Variants in GPHN observed in about 807,000 individuals in gnomAD.
GPHN encodes the protein gephyrin.
GPHN carries 17 observed loss-of-function variants against 95.5 expected under a neutral mutation model. That is an observed-to-expected ratio of 0.18 (90% confidence interval 0.12 to 0.27). The LOEUF (loss-of-function observed/expected upper bound fraction) is 0.27. GPHN is among the 10% of genes least tolerant of loss of function. GPHN has a pLI of 1.00. For synonymous variants in GPHN, 320 were observed against 322.5 expected (o/e 0.99, Z 0.08); for missense variants, 660 against 978.1 (o/e 0.67, Z 4.34).
intron 4 of GPHN, among the ~76,000 whole-genome samples, chr14:66,840,221 A>G (rs1392641059): frequency 1.3e-5 from 2 of 152,062 alleles, no homozygotes; most frequent in Admixed American, 6.6e-5. Context: ...GGAGGTTGCA[A>G]TGAGCCAAGA....
intron 1 of GPHN, among the ~76,000 whole-genome samples, chr14:66,623,722 G>A (rs1015392281): frequency 6.6e-6 from 1 of 151,402 alleles, no homozygotes; most frequent in African/African-American, 2.4e-5. Flanking sequence ...CCTGACATCA[G>A]CTGCCTCAAG....
At chr14:67,363,556 A>G in the GPHN span, among the ~76,000 whole-genome samples, 1 of 152,330 alleles carries the variant, frequency 6.6e-6, no homozygotes, top group East Asian at 1.9e-4. Context: ...TCCAGACTTC[A>G]TGGATTCAAA....
chr14:66,641,724 A>G (rs1357477164), intron 1 of GPHN, among the ~76,000 whole-genome samples: 1 of 152,088 alleles, frequency 6.6e-6, no homozygotes, highest in Non-Finnish European at 1.5e-5. Context: ...ATTTACAACT[A>G]TATAACATTT....
intron 3 of GPHN, among the ~76,000 whole-genome samples, chr14:66,798,853 A>T (rs189599364): frequency 3.3e-5 from 5 of 149,408 alleles, no homozygotes; most frequent in Non-Finnish European, 3.0e-5. Context: ...TTCTGCTACT[A>T]CTCTTGGGTT....
chr14:66,945,278 G>A (rs1307119092), intron 8 of GPHN, among the ~76,000 whole-genome samples: 4 of 152,182 alleles, frequency 2.6e-5, no homozygotes, highest in African/African-American at 4.8e-5. Context: ...CCACACATGC[G>A]AGCTGAAGAG....
At chr14:67,163,515 A>G (rs561993314) in intron 19 of GPHN, among the ~76,000 whole-genome samples, 231 of 152,258 alleles carry the variant, frequency 1.5e-3, no homozygotes, top group Non-Finnish European at 2.3e-3. Context: ...CTATAGAAAC[A>G]TAGCAATGTG....
the GPHN span, chr14:67,600,250 C>T: frequency 6.8e-7 from 1 of 1,471,360 alleles, no homozygotes; most frequent in Non-Finnish European, 9.0e-7. Flanking sequence ...GCACTGCGCT[C>T]GCCGGCCCTG....
At chr14:66,561,017 T>C (rs539205502) in intron 1 of GPHN, among the ~76,000 whole-genome samples, 32 of 152,224 alleles carry the variant, frequency 2.1e-4, no homozygotes, top group Middle Eastern at 3.2e-3. Context: ...TTTTTGTCTC[T>C]GGTTCTGTTT....
chr14:66,785,109 T>C (rs577114393), intron 3 of GPHN, among the ~76,000 whole-genome samples: 197 of 151,806 alleles, frequency 1.3e-3, no homozygotes, highest in African/African-American at 4.5e-3. Flanking sequence ...GGCTTACGCC[T>C]GTAATCCCAG....
chr14:67,320,398 G>T, the GPHN span: 2 of 1,592,646 alleles, frequency 1.3e-6, no homozygotes, highest in Non-Finnish European at 8.5e-7. Context: ...GCAGTTCCTC[G>T]TAAGTTTGAA....
the GPHN span, among the ~76,000 whole-genome samples, chr14:67,466,319 T>C: frequency 1.3e-5 from 2 of 152,198 alleles, no homozygotes; most frequent in African/African-American, 2.4e-5. Context: ...AGAAAGTGTA[T>C]TACCAGAATG....
the GPHN span, among the ~76,000 whole-genome samples, chr14:67,524,984 G>T: frequency 6.6e-6 from 1 of 152,194 alleles, no homozygotes; most frequent in East Asian, 1.9e-4. Flanking sequence ...GGACTGGCAG[G>T]TTGTGGCTTT....
At chr14:67,618,208 G>A in the GPHN span, among the ~76,000 whole-genome samples, 1 of 152,010 alleles carries the variant, frequency 6.6e-6, no homozygotes, top group African/African-American at 2.4e-5. Context: ...CCCTGACCAC[G>A]CCCCCACCCA....
At chr14:67,128,559 T>C (rs184584597) in intron 17 of GPHN, among the ~76,000 whole-genome samples, 1 of 152,282 alleles carries the variant, frequency 6.6e-6, no homozygotes, top group East Asian at 1.9e-4. Context: ...TGGGAAGGTA[T>C]TTATATGTAG....
the GPHN span, among the ~76,000 whole-genome samples, chr14:67,494,073 T>G: frequency 6.6e-6 from 1 of 152,000 alleles, no homozygotes; most frequent in African/African-American, 2.4e-5. Context: ...ACCTCCACCA[T>G]AAGCCTTAAG....
At chr14:67,542,013 G>C in the GPHN span, 1 of 1,581,066 alleles carries the variant, frequency 6.3e-7, no homozygotes, top group African/African-American at 1.4e-5. Context: ...TCAGAGCAGG[G>C]AGCTGCCTCT....
At chr14:66,908,962 T>C (rs1316954385) in intron 5 of GPHN, among the ~76,000 whole-genome samples, 1 of 151,972 alleles carries the variant, frequency 6.6e-6, no homozygotes, top group Non-Finnish European at 1.5e-5. Flanking sequence ...CAGCTAAATG[T>C]AATTTGGTAA....
the GPHN span, among the ~76,000 whole-genome samples, chr14:67,212,359 G>A: frequency 6.6e-6 from 1 of 151,744 alleles, no homozygotes; most frequent in African/African-American, 2.4e-5. Flanking sequence ...GTAATCCCAT[G>A]GGCAGATCGC....
chr14:67,559,798 A>T, the GPHN span: 1 of 717,444 alleles, frequency 1.4e-6, no homozygotes. Flanking sequence ...GCTGACCTTC[A>T]TTCTGTCCAG....
Sources: allele counts gnomAD v4.1 joint callset (sites outside exome capture counted in the v4.1 genomes callset), GRCh38; gene constraint gnomAD v4.1.1; transcripts MANE v1.5; gene names NCBI Gene and HGNC (gene_info 2026-07-23, HGNC 2026-07-21).